CDYL2: variants seen among roughly 807,000 people sequenced by gnomAD.
The protein encoded by CDYL2 is chromodomain Y like 2.
A neutral mutation model predicts 49.4 loss-of-function variants in CDYL2; 23 were observed. The ratio of observed to expected loss-of-function variants is 0.47; its 90% confidence interval spans 0.34 to 0.66. CDYL2 has a LOEUF of 0.66. Among genes scored for constraint, CDYL2 ranks in the 30% least tolerant of loss-of-function variants. The pLI is 0.01. For missense variants in CDYL2, 678 were observed against 656.4 expected, an observed-to-expected ratio of 1.03 and a Z score of -0.36; for synonymous variants, 360 against 268.8, an observed-to-expected ratio of 1.34 and a Z score of -3.32.
chr16:80,738,117 T>C (rs986341320), intron 1 of CDYL2, among the ~76,000 whole-genome samples: 2 of 151,294 alleles, frequency 1.3e-5, no homozygotes, highest in Admixed American at 6.6e-5. Context: ...ACATGCAGTG[T>C]TTGGTTTTCT....
chr16:80,803,955 G>GAGGCGGC (rs1432948136), intron 1 of CDYL2, among the ~76,000 whole-genome samples, 195 bp downstream of exon 1: 2 of 140,958 alleles, frequency 1.4e-5, no homozygotes, highest in African/African-American at 2.5e-5. Context: ...GGCGCCGCGG[G>GAGGCGGC]AGGCGGCGGG....
At chr16:80,672,949 C>T (rs1483795808) in intron 2 of CDYL2, among the ~76,000 whole-genome samples, 2 of 152,170 alleles carry the variant, frequency 1.3e-5, no homozygotes, top group African/African-American at 2.4e-5. Context: ...CAGTAACTGT[C>T]GTATAGAAAT....
chr16:80,744,544 T>A (rs944666291), intron 1 of CDYL2, among the ~76,000 whole-genome samples: 2 of 152,198 alleles, frequency 1.3e-5, no homozygotes, highest in Admixed American at 1.3e-4. Context: ...TTTATTTCCA[T>A]CATTTTATTT....
intron 1 of CDYL2, among the ~76,000 whole-genome samples, chr16:80,802,453 A>G (rs1907954875): frequency 6.6e-6 from 1 of 152,192 alleles, no homozygotes; most frequent in South Asian, 2.1e-4. Context: ...TTCAATTTTC[A>G]ATTTCAGAAA....
At chr16:80,657,721 T>C (rs1014973886) in intron 2 of CDYL2, among the ~76,000 whole-genome samples, 1 of 152,006 alleles carries the variant, frequency 6.6e-6, no homozygotes, top group African/African-American at 2.4e-5. Context: ...GGTACAAGTG[T>C]GATGGGAAGA....
chr16:80,701,181 C>A (rs1005561123), intron 1 of CDYL2, among the ~76,000 whole-genome samples: 2 of 152,174 alleles, frequency 1.3e-5, no homozygotes, highest in African/African-American at 4.8e-5. Flanking sequence ...CAAAGTAGAA[C>A]CTCTACATAG....
At chr16:80,694,778 T>C (rs1190079026) in intron 1 of CDYL2, among the ~76,000 whole-genome samples, 1 of 152,092 alleles carries the variant, frequency 6.6e-6, no homozygotes. Context: ...TAGGGCTCCC[T>C]AGGAAAATGC....
intron 1 of CDYL2, among the ~76,000 whole-genome samples, chr16:80,724,197 G>T (rs906160354): frequency 6.9e-6 from 1 of 145,172 alleles, no homozygotes; most frequent in African/African-American, 2.6e-5. Flanking sequence ...AGAGGAGGAG[G>T]GGAAGGAAGA....
intron 1 of CDYL2, among the ~76,000 whole-genome samples, chr16:80,726,268 G>GT (rs531847655): frequency 2.0e-5 from 3 of 152,274 alleles, no homozygotes; most frequent in African/African-American, 7.2e-5. Flanking sequence ...TCATCCATAG[G>GT]TTTTCTCCCA....
intron 1 of CDYL2, among the ~76,000 whole-genome samples, chr16:80,785,017 G>C (rs1040818411): frequency 2.6e-5 from 4 of 152,132 alleles, no homozygotes; most frequent in Non-Finnish European, 5.9e-5. Flanking sequence ...GGAAGAAAAC[G>C]GGGAGTGGTG....
intron 2 of CDYL2, among the ~76,000 whole-genome samples, chr16:80,639,191 C>G (rs1907971167): frequency 6.6e-6 from 1 of 152,190 alleles, no homozygotes; most frequent in Non-Finnish European, 1.5e-5. Context: ...ATCCAAAAAC[C>G]CAACAACACC....
intron 1 of CDYL2, among the ~76,000 whole-genome samples, chr16:80,737,623 A>G (rs1905583167): frequency 6.6e-6 from 1 of 152,046 alleles, no homozygotes; most frequent in Non-Finnish European, 1.5e-5. Context: ...TTTCTTGGCA[A>G]GTTTCTCCAA....
rs758356708 is a variant in CDYL2 at position 80,604,055 on chromosome 16, G to A, written c.*333C>T. On this transcript the variant is annotated 3_prime_UTR_variant, in exon 7 of 7. Coordinates refer to ENST00000570137, the MANE Select transcript of CDYL2 (RefSeq NM_152342.4). Reference sequence around the variant, plus strand: ...TAGACACAGCCTGAGTCAGAAGAATGTGAAAGTGGTCTTCCCCTTCCTGGA... The same window carrying A: ...TAGACACAGCCTGAGTCAGAAGAATATGAAAGTGGTCTTCCCCTTCCTGGA... 3.3e-6 allele frequency: 1 copy of A among 303,228 alleles called. No homozygotes were observed. The highest frequency in any genetic ancestry group is 6.3e-6 in the Non-Finnish European group (1 of 158,934). The allele number at this position is 303,228 out of a possible 1,614,324, so 18.8% of individuals were successfully genotyped here. A position where few individuals can be genotyped will look rare whatever the true frequency, so the allele number is the denominator to read the frequency against.
intron 2 of CDYL2, among the ~76,000 whole-genome samples, chr16:80,662,575 G>C (rs982593596): frequency 2.0e-5 from 3 of 152,020 alleles, no homozygotes; most frequent in Non-Finnish European, 4.4e-5. Context: ...TATACGGATG[G>C]GCAGAACCAG....
At chr16:80,634,455 T>G (rs1217847688) in intron 2 of CDYL2, among the ~76,000 whole-genome samples, 2 of 152,044 alleles carry the variant, frequency 1.3e-5, no homozygotes, top group Non-Finnish European at 2.9e-5. Flanking sequence ...ATGAGAACAC[T>G]TGGACCCAGG....
chr16:80,727,436 C>T (rs1180869335), intron 1 of CDYL2, among the ~76,000 whole-genome samples: 2 of 152,348 alleles, frequency 1.3e-5, no homozygotes, highest in South Asian at 4.1e-4. Context: ...GCACATGGCT[C>T]GGAAGGTCCT....
intron 1 of CDYL2, among the ~76,000 whole-genome samples, chr16:80,715,887 T>C (rs1904781738): frequency 6.6e-6 from 1 of 152,150 alleles, no homozygotes; most frequent in African/African-American, 2.4e-5. Context: ...CCCATCCCTC[T>C]TCCTCTAACT....
intron 1 of CDYL2, among the ~76,000 whole-genome samples, chr16:80,709,381 C>CAA (rs11412766): frequency 8.3e-4 from 78 of 93,936 alleles, no homozygotes; most frequent in African/African-American, 1.9e-3. Flanking sequence ...GACTCCATTT[C>CAA]AAAAAAAAAA....
At chr16:80,777,752 T>C (rs980913462) in intron 1 of CDYL2, among the ~76,000 whole-genome samples, 3 of 152,100 alleles carry the variant, frequency 2.0e-5, no homozygotes, top group South Asian at 4.1e-4. Flanking sequence ...AACTTATTTC[T>C]TTCATAAAGC....
Sources: gnomAD v4.1 joint callset for allele counts (sites outside exome capture counted in the v4.1 genomes callset) on GRCh38, gnomAD v4.1.1 for gene constraint, MANE v1.5 for transcripts, NCBI Gene and HGNC (gene_info 2026-07-23, HGNC 2026-07-21) for gene names.